The following FAM222A variants were observed in gnomAD, a reference collection of about 807,000 sequenced individuals.
The protein encoded by FAM222A is protein FAM222A.
FAM222A carries 7 observed loss-of-function variants against 25.8 expected under a neutral mutation model. The observed-to-expected ratio is 0.27, with a 90% confidence interval of 0.15 to 0.51. The LOEUF is 0.51. Among genes scored for constraint, FAM222A ranks in the 20% least tolerant of loss-of-function variants. The pLI is 0.97. For synonymous variants in FAM222A, 294 were observed against 298.8 expected (o/e 0.98, Z 0.17); for missense variants, 573 against 640.5 (o/e 0.89, Z 1.14).
In FAM222A at chr12:109,768,223, C is replaced by A; in HGVS notation, c.294C>A (p.Gly98=). The A allele has an allele frequency of 6.2e-7, 1 of 1,611,966 alleles. No homozygotes were observed. The highest frequency in any genetic ancestry group is 2.2e-5 in the East Asian group (1 of 44,778). Residue 98 remains glycine (G), a synonymous_variant, in exon 3 of 3, where the codon GGC becomes GGA. Coordinates refer to ENST00000538780, the MANE Select transcript of FAM222A (RefSeq NM_032829.3). ...RYSPYPQHTA[G]YQGLLAIVKA... is the part of the protein sequence containing the mutation. ...GCCCCTACCCACAGCACACCGCTGG[C>A]TACCAGGGCCTTCTGGCCATTGTCA...
chr12:109,748,334 CTTT>C (rs61492433), intron 2 of FAM222A, among the ~76,000 whole-genome samples: 20,973 of 81,720 alleles, frequency 0.26, 1,699 homozygotes, highest in East Asian at 0.38. Context: ...GGTTTTCTTT[CTTT>C]TTTTTTTTTT....
chr12:109,741,693 A>G (rs565214021), intron 1 of FAM222A, among the ~76,000 whole-genome samples: 1 of 152,348 alleles, frequency 6.6e-6, no homozygotes, highest in Admixed American at 6.5e-5. Context: ...TCTGGAAGAA[A>G]GTGACCTGGA....
intron 2 of FAM222A, among the ~76,000 whole-genome samples, chr12:109,762,158 C>A (rs1888917105): frequency 6.6e-6 from 1 of 152,232 alleles, no homozygotes; most frequent in East Asian, 1.9e-4. Flanking sequence ...TAGTCCCATG[C>A]CCTGCTGTTC....
In FAM222A at chr12:109,714,438, G is replaced by GGCGA. The variant is rs1215986702; in HGVS notation, c.-500_-497dup. 2.0e-5 allele frequency: 3 copies of GGCGA among 152,332 alleles called. No homozygotes were observed. The highest frequency in any genetic ancestry group is 7.2e-5 in the African/African-American group (3 of 41,440). The allele number at this position is 152,332 out of a possible 1,614,324, so 9.4% of individuals were successfully genotyped here. On this transcript the variant is annotated 5_prime_UTR_variant, in exon 1 of 3. An upstream open reading frame in the 5' UTR loses its in-frame stop. Transcript: ENST00000538780. This position sits in a 1 kb window ranked among gnomAD's most constrained non-coding sequence, Gnocchi z 4.2. ...GGGGGCTGCAAGCCGCGGGCGGGCGGGCGAGCGAGAGGAAGCAACAAAGAC... is the reference window on the plus strand; with the variant it reads ...GGGGGCTGCAAGCCGCGGGCGGGCGGGCGAGCGAGCGAGAGGAAGCAACAAAGAC...
intron 1 of FAM222A, among the ~76,000 whole-genome samples, chr12:109,720,979 C>T (rs1022263044): frequency 6.6e-6 from 1 of 152,068 alleles, no homozygotes; most frequent in East Asian, 1.9e-4. Flanking sequence ...AGGGAGGGCT[C>T]CCTGGAGGAG....
At chr12:109,741,195 T>C (rs972915550) in intron 1 of FAM222A, among the ~76,000 whole-genome samples, 8 of 152,154 alleles carry the variant, frequency 5.3e-5, no homozygotes, top group African/African-American at 1.9e-4. Flanking sequence ...CACCCTGCCA[T>C]GTGCCCCCAG....
chr12:109,769,627 G>C lies in FAM222A; in HGVS notation c.*339G>C, dbSNP rs1012933617. ...GGTTCTTTCTGGGCCTCCTGGGACA[G>C]GGGCCCAGGCCAAGGTGGGGTGCAG... On this transcript the variant is annotated 3_prime_UTR_variant, in exon 3 of 3. Coordinates refer to ENST00000538780, the MANE Select transcript of FAM222A (RefSeq NM_032829.3). The C allele has an allele frequency of 2.1e-5, 7 of 327,932 alleles. No individual in the cohort carries two copies. Among genetic ancestry groups the C allele is most frequent in the Admixed American group, 1.4e-4 (3 of 21,542 alleles). The allele number at this position is 327,932 out of a possible 1,614,324, so 20.3% of individuals were successfully genotyped here.
rs1205133813 is a variant in FAM222A, at chr12:109,770,117, CAGGGG to C, written c.*830_*834del. On this transcript the variant is annotated 3_prime_UTR_variant, in exon 3 of 3. Coordinates refer to ENST00000538780, the MANE Select transcript of FAM222A (RefSeq NM_032829.3). ...TTTTCCTGTTCGCACAAAGGCACCACAGGGGCTAACAGTGGGCCTGCAATCTTAGA... is the reference window on the plus strand; with the variant it reads ...TTTTCCTGTTCGCACAAAGGCACCACCTAACAGTGGGCCTGCAATCTTAGA... The C allele has an allele frequency of 6.6e-6, 1 of 152,350 alleles. No homozygotes were observed. The highest frequency in any genetic ancestry group is 1.5e-5 in the Non-Finnish European group (1 of 68,060). The allele number at this position is 152,350 out of a possible 1,614,324, so 9.4% of individuals were successfully genotyped here.
At chr12:109,729,643 C>T (rs1218963505) in intron 1 of FAM222A, among the ~76,000 whole-genome samples, 1 of 152,274 alleles carries the variant, frequency 6.6e-6, no homozygotes, top group Non-Finnish European at 1.5e-5. Context: ...CACACAGACG[C>T]GCGCACGCAT....
intron 1 of FAM222A, among the ~76,000 whole-genome samples, chr12:109,736,502 C>T (rs180858723): frequency 1.6e-4 from 25 of 152,248 alleles, no homozygotes; most frequent in Non-Finnish European, 3.2e-4. Context: ...CAGACACTGT[C>T]GCTCTGCTAA....
chr12:109,731,198 C>T (rs1453193100), intron 1 of FAM222A, among the ~76,000 whole-genome samples: 1 of 152,084 alleles, frequency 6.6e-6, no homozygotes, highest in East Asian at 1.9e-4. Flanking sequence ...GGGGTAGTGC[C>T]TTGCGGGTCT....
In FAM222A at chr12:109,769,445, A is replaced by T; in HGVS notation, c.*157A>T. 1.0e-6 allele frequency: 1 copy of T among 966,198 alleles called. No individual in the cohort carries two copies. The highest frequency in any genetic ancestry group is 1.7e-5 in the South Asian group (1 of 57,558). The allele number at this position is 966,198 out of a possible 1,614,324, so 59.9% of individuals were successfully genotyped here. ...CTGGCTGCCGCCTCGCTGTGGCCGG[A>T]TGGAGGGTGGCAGGGCAACCTCACA... On this transcript the variant is annotated 3_prime_UTR_variant, in exon 3 of 3. Transcript: ENST00000538780.
In FAM222A at chr12:109,746,608, T is replaced by C. The variant is rs1026263045; in HGVS notation, c.82+2380T>C. ...TGCAGTGCTGTTTTAATTATTATGT[T>C]GTTTAAAAATTTTAGCCTTATTGAG... On this transcript the variant is annotated intron_variant, in intron 2 of 2. Coordinates refer to ENST00000538780, the MANE Select transcript of FAM222A (RefSeq NM_032829.3). Among the ~76,000 whole-genome samples the C allele has an allele frequency of 7.9e-5, 12 of 152,268 alleles. No individual in the cohort carries two copies. In the South Asian group the frequency reaches 8.3e-4, roughly 10 times the overall value.
chr12:109,733,405 A>AT (rs796576388), intron 1 of FAM222A, among the ~76,000 whole-genome samples: 5,837 of 144,466 alleles, frequency 0.04, 190 homozygotes, highest in African/African-American at 0.095. Flanking sequence ...CCATTATTAC[A>AT]TTTTTTTTTT....
At chr12:109,738,289 G>A (rs573720900) in intron 1 of FAM222A, among the ~76,000 whole-genome samples, 17 of 152,316 alleles carry the variant, frequency 1.1e-4, no homozygotes, top group Admixed American at 7.8e-4. Flanking sequence ...TGCTCAGCTC[G>A]TGGTGCTGGG....
chr12:109,738,667 T>A (rs1299795521), intron 1 of FAM222A, among the ~76,000 whole-genome samples: 2 of 152,222 alleles, frequency 1.3e-5, no homozygotes, highest in East Asian at 3.8e-4. Flanking sequence ...CAGCTTCCTA[T>A]CTTGTCCCTG....
At chr12:109,766,643 G>A (rs1889059450) in intron 2 of FAM222A, among the ~76,000 whole-genome samples, 2 of 152,220 alleles carry the variant, frequency 1.3e-5, no homozygotes, top group African/African-American at 4.8e-5. Flanking sequence ...AGGATAAAAG[G>A]GTTAGAAGGA....
chr12:109,756,254 G>A (rs1047617309), intron 2 of FAM222A, among the ~76,000 whole-genome samples: 15 of 151,990 alleles, frequency 9.9e-5, no homozygotes, highest in African/African-American at 3.1e-4. Context: ...GTTGATTTTT[G>A]TATATTGATC....
chr12:109,734,730 G>C (rs1000143821), intron 1 of FAM222A: 4 of 152,226 alleles, frequency 2.6e-5, no homozygotes, highest in Non-Finnish European at 4.4e-5. Context: ...GGCTATGACA[G>C]GGGGAGGGGG....
Sources: gnomAD v4.1 joint callset for allele counts (sites outside exome capture counted in the v4.1 genomes callset) on GRCh38, gnomAD v4.1.1 for gene constraint, Gnocchi (gnomAD v3.1) non-coding constraint, MANE v1.5 for transcripts, NCBI Gene and HGNC (gene_info 2026-07-23, HGNC 2026-07-21) for gene names.